The following SLC44A5 variants were observed in gnomAD, a reference collection of about 807,000 sequenced individuals.
SLC44A5 encodes the protein solute carrier family 44 member 5, also known as choline transporter-like protein 5.
SLC44A5 carries 57 observed loss-of-function variants against 101.8 expected under a neutral mutation model. The ratio of observed to expected loss-of-function variants is 0.56; its 90% CI spans 0.45 to 0.70. The LOEUF is 0.70. Ranked by LOEUF, SLC44A5 falls within the 30% of genes least tolerant of loss-of-function variation. The pLI is 0.00. For missense variants in SLC44A5, 737 were observed against 853.1 expected (o/e 0.86, Z 1.70); for synonymous variants, 281 against 290.9 (o/e 0.97, Z 0.35).
the SLC44A5 span, among the ~76,000 whole-genome samples, chr1:75,634,706 A>C: frequency 9.2e-5 from 14 of 151,522 alleles, no homozygotes; most frequent in Admixed American, 8.6e-4. Context: ...AAACCATAAA[A>C]ACCCTAGAAG....
At chr1:75,600,815 G>C (rs1674931175) in intron 1 of SLC44A5, among the ~76,000 whole-genome samples, 1 of 152,066 alleles carries the variant, frequency 6.6e-6, no homozygotes, top group South Asian at 2.1e-4. Context: ...GCCTATCTAT[G>C]TGTATAACTA....
At chr1:75,339,729 T>C (rs1657725674) in intron 3 of SLC44A5, 99 bp from the exon 4 acceptor site, 1 of 1,012,592 alleles carries the variant, frequency 9.9e-7, no homozygotes, top group South Asian at 1.6e-5. Flanking sequence ...AGTCCACTGC[T>C]CAGTGCAGTG....
chr1:75,589,081 C>T (rs1674191579), intron 1 of SLC44A5, among the ~76,000 whole-genome samples: 1 of 152,196 alleles, frequency 6.6e-6, no homozygotes, highest in Admixed American at 6.5e-5. Flanking sequence ...GAACTGCATT[C>T]ACGCGCACCC....
At chr1:75,330,611 C>A (rs1570694742) in intron 4 of SLC44A5, among the ~76,000 whole-genome samples, 1 of 152,096 alleles carries the variant, frequency 6.6e-6, no homozygotes, top group African/African-American at 2.4e-5. Context: ...TAGATAATGT[C>A]TAGCACCACA....
At chr1:75,370,619 A>C (rs1660161758) in intron 3 of SLC44A5, among the ~76,000 whole-genome samples, 1 of 152,232 alleles carries the variant, frequency 6.6e-6, no homozygotes, top group African/African-American at 2.4e-5. Context: ...GAGCATTCCT[A>C]GCAGATATTA....
chr1:75,325,704 A>G (rs1656531505), intron 4 of SLC44A5, among the ~76,000 whole-genome samples: 1 of 152,094 alleles, frequency 6.6e-6, no homozygotes, highest in South Asian at 2.1e-4. Flanking sequence ...ATGTATGTAT[A>G]GGAAAATGCA....
chr1:75,690,993 A>G, the SLC44A5 span, among the ~76,000 whole-genome samples: 1 of 87,572 alleles, frequency 1.1e-5, no homozygotes. Flanking sequence ...AAAATAAAGG[A>G]AAAAAAAAAG....
intron 2 of SLC44A5, among the ~76,000 whole-genome samples, chr1:75,477,834 T>A (rs1399086818): frequency 1.3e-5 from 2 of 152,066 alleles, no homozygotes; most frequent in Non-Finnish European, 2.9e-5. Flanking sequence ...CTCTGCAGGA[T>A]ATTATCCAGG....
rs190162038 is a variant in SLC44A5 at position 75,375,070 on chromosome 1, C to T, written c.52+21513G>A. Among the ~76,000 whole-genome samples, 94 of 152,198 alleles carry T rather than the reference C, an allele frequency of 6.2e-4. No individual in the cohort carries two copies. The Middle Eastern group carries it at 0.014, about 22-fold the overall frequency. ...AATATGGATGGCCAAGAAAGCTCAA[C>T]GAGATTCAAGAGAAAATTAAAACCC... On this transcript the variant is annotated intron_variant, in intron 3 of 23. Coordinates refer to ENST00000370859, the MANE Select transcript of SLC44A5 (RefSeq NM_001130058.2).
intron 2 of SLC44A5, among the ~76,000 whole-genome samples, chr1:75,480,111 T>A (rs1266665682): frequency 6.6e-6 from 1 of 152,188 alleles, no homozygotes; most frequent in Non-Finnish European, 1.5e-5. Flanking sequence ...TGCAAATCAA[T>A]AAATGTAATC....
At chr1:75,679,690 A>T in the SLC44A5 span, among the ~76,000 whole-genome samples, 3 of 152,282 alleles carry the variant, frequency 2.0e-5, no homozygotes, top group East Asian at 1.9e-4. Flanking sequence ...GAGACTAGGA[A>T]GAAACTGCAT....
Position 75,243,031 on chromosome 1 carries a change from T to C in SLC44A5, c.346-20A>G. ...ACAGATCTGTGAACGAACAAAGTGA[T>C]GAGAACTGAACTGAGTTGAACAAAC... On this transcript the variant is annotated intron_variant, in intron 7 of 23. Transcript: ENST00000370859. The C allele has an allele frequency of 5.0e-6, 8 of 1,607,138 alleles. No homozygotes were observed. Among genetic ancestry groups the C allele is most frequent in the East Asian group, 2.2e-5 (1 of 44,736 alleles).
At chr1:75,478,632 A>G (rs1310868891) in intron 2 of SLC44A5, among the ~76,000 whole-genome samples, 1 of 152,156 alleles carries the variant, frequency 6.6e-6, no homozygotes, top group Non-Finnish European at 1.5e-5. Flanking sequence ...CTTCAAACCA[A>G]CAAAGATCAA....
At chr1:75,430,904 T>G (rs1478845967) in intron 2 of SLC44A5, among the ~76,000 whole-genome samples, 1 of 152,194 alleles carries the variant, frequency 6.6e-6, no homozygotes, top group Non-Finnish European at 1.5e-5. Context: ...ACCACCTCTC[T>G]TGTAACTTTG....
intron 1 of SLC44A5, among the ~76,000 whole-genome samples, chr1:75,610,037 T>C (rs1409256227): frequency 6.6e-6 from 1 of 151,772 alleles, no homozygotes; most frequent in East Asian, 1.9e-4. Context: ...GTTCCCAAGA[T>C]AGATCACTCA....
intron 3 of SLC44A5, among the ~76,000 whole-genome samples, chr1:75,349,547 C>T (rs1355237234): frequency 6.6e-6 from 1 of 152,114 alleles, no homozygotes; most frequent in Non-Finnish European, 1.5e-5. Flanking sequence ...AATAAAGACA[C>T]TTTCAGGCAA....
chr1:75,708,570 A>T, the SLC44A5 span, among the ~76,000 whole-genome samples: 2 of 152,114 alleles, frequency 1.3e-5, no homozygotes, highest in Non-Finnish European at 2.9e-5. Flanking sequence ...TAAAAATATT[A>T]GTCTATACAT....
intron 2 of SLC44A5, among the ~76,000 whole-genome samples, chr1:75,461,381 A>T (rs1666487936): frequency 6.6e-6 from 1 of 152,176 alleles, no homozygotes; most frequent in Admixed American, 6.5e-5. Context: ...TGTTATCTTA[A>T]TTGAATCCTT....
chr1:75,408,209 AAC>A (rs1319408600), intron 2 of SLC44A5, among the ~76,000 whole-genome samples: 4 of 152,226 alleles, frequency 2.6e-5, no homozygotes, highest in Non-Finnish European at 5.9e-5. Flanking sequence ...AAAGTCAGGA[AAC>A]ACAGATGCTA....
Sources: allele counts gnomAD v4.1 joint callset (sites outside exome capture counted in the v4.1 genomes callset), GRCh38; gene constraint gnomAD v4.1.1; transcripts MANE v1.5; gene names NCBI Gene and HGNC (gene_info 2026-07-23, HGNC 2026-07-21).